The following SSPN variants were observed in gnomAD, a reference collection of about 807,000 sequenced individuals.
The protein encoded by SSPN is sarcospan.
Under a neutral mutation model 19.1 loss-of-function variants are expected in SSPN, and 15 were observed. That is an observed-to-expected ratio of 0.78 (90% CI 0.52 to 1.21). The LOEUF (loss-of-function observed/expected upper bound fraction) is 1.21, where lower values mean the gene tolerates loss of function less well. SSPN is among the 50% of genes most tolerant of loss of function. SSPN has a pLI of 0.00. For synonymous variants in SSPN, 147 were observed against 140.3 expected, an observed-to-expected ratio of 1.05 and a Z score of -0.34; for missense variants, 291 against 314.0, an observed-to-expected ratio of 0.93 and a Z score of 0.55.
chr12:26,151,153 A>G lies in SSPN; in HGVS notation c.-31+29001A>G, dbSNP rs564087468. On this transcript the variant is annotated intron_variant, in intron 1 of 2. Coordinates refer to the SSPN transcript ENST00000538142. ...TCTATGACTGTTCCTTCTCTCAGAG[A>G]ACTCTTGAGTGCCCTGTTAGTCTTT... Among the ~76,000 whole-genome samples the G allele has an allele frequency of 2.1e-4, 32 of 151,288 alleles. No individual in the cohort carries two copies. The South Asian group carries it at 4.2e-3, about 20-fold the overall frequency.
intron 2 of SSPN, among the ~76,000 whole-genome samples, chr12:26,228,981 TA>T (rs1945204505): frequency 1.3e-5 from 2 of 151,998 alleles, no homozygotes; most frequent in Admixed American, 6.6e-5. Context: ...CTCCATCTCT[TA>T]AAAAAAATTT....
chr12:26,198,192 C>G (rs1352893629), intron 1 of SSPN, among the ~76,000 whole-genome samples: 1 of 151,998 alleles, frequency 6.6e-6, no homozygotes, highest in Non-Finnish European at 1.5e-5. Flanking sequence ...GAGACAGAGA[C>G]TTGCTCTGTC....
chr12:26,166,534 C>T (rs1944622324), intron 1 of SSPN, among the ~76,000 whole-genome samples: 2 of 152,248 alleles, frequency 1.3e-5, no homozygotes, highest in Non-Finnish European at 1.5e-5. Context: ...CTGCAGACAT[C>T]TGCCCTGTTG....
At chr12:26,220,926 T>TA (rs375201385) in intron 1 of SSPN, among the ~76,000 whole-genome samples, 39,119 of 151,998 alleles carry the variant, frequency 0.26, 5,404 homozygotes, top group East Asian at 0.51. Flanking sequence ...TTATCATTTC[T>TA]CAGGTGAAGA....
chr12:26,168,424 AC>A (rs1283549067), intron 1 of SSPN, among the ~76,000 whole-genome samples: 2 of 151,984 alleles, frequency 1.3e-5, no homozygotes, highest in African/African-American at 4.8e-5. Flanking sequence ...GGCAGGGATA[AC>A]CCCCGGTTGG....
At chr12:26,158,617 A>G (rs1944569540) in intron 1 of SSPN, among the ~76,000 whole-genome samples, 1 of 152,148 alleles carries the variant, frequency 6.6e-6, no homozygotes, top group Non-Finnish European at 1.5e-5. Context: ...TCTTTTGAAA[A>G]CCAGAAGAGG....
intron 1 of SSPN, among the ~76,000 whole-genome samples, chr12:26,153,599 C>T (rs764441107): frequency 1.4e-4 from 22 of 152,086 alleles, no homozygotes; most frequent in Non-Finnish European, 2.9e-4. Context: ...GAAGAACTGG[C>T]GGTGACACCA....
chr12:26,136,221 C>T (rs1489345938), intron 1 of SSPN, among the ~76,000 whole-genome samples: 1 of 152,118 alleles, frequency 6.6e-6, no homozygotes, highest in African/African-American at 2.4e-5. Flanking sequence ...AAAGACTATG[C>T]CATTTTATAT....
intron 1 of SSPN, among the ~76,000 whole-genome samples, chr12:26,170,988 A>G (rs1944650519): frequency 6.6e-6 from 1 of 152,222 alleles, no homozygotes; most frequent in Non-Finnish European, 1.5e-5. Context: ...ATGAATGAGA[A>G]AACTGAGACT....
At chr12:26,186,849 T>C (rs999199079) in intron 1 of SSPN, among the ~76,000 whole-genome samples, 41 of 152,350 alleles carry the variant, frequency 2.7e-4, no homozygotes, top group Non-Finnish European at 1.0e-4. Flanking sequence ...GACAGTCTCC[T>C]GCCTTGGGAT....
intron 1 of SSPN, among the ~76,000 whole-genome samples, chr12:26,176,879 T>C (rs1460198265): frequency 6.6e-6 from 1 of 152,190 alleles, no homozygotes; most frequent in Non-Finnish European, 1.5e-5. Flanking sequence ...GTTCTCTTCC[T>C]CCATCAGTCC....
At chr12:26,182,559 C>T (rs1409343673) in intron 1 of SSPN, among the ~76,000 whole-genome samples, 5 of 150,278 alleles carry the variant, frequency 3.3e-5, no homozygotes, top group African/African-American at 9.8e-5. Context: ...ATCTGGACCC[C>T]GTCTCCCTTC....
chr12:26,224,314 G>A lies in SSPN; in HGVS notation c.301G>A (p.Gly101Ser). 3 of 1,613,926 alleles carry A rather than the reference G, an allele frequency of 1.9e-6. No individual in the cohort carries two copies. The highest frequency in any genetic ancestry group is 2.5e-6 in the Non-Finnish European group (3 of 1,179,884). The stretch of plus-strand genomic sequence containing the variant: ...GCAGGTCTGCTTAGTGGCCTATCTT[G>A]GCTTGTTTATGCTTTGTGTCTCATA... ...GIIVCLVAYLGLFMLCVSYQV... is the reference protein window; with the variant it reads ...GIIVCLVAYLSLFMLCVSYQV... Residue 101 changes from glycine to serine, a missense_variant, in exon 2 of 3, where the codon GGC becomes AGC. This residue lies in a region of SSPN where 11 missense variants were observed against 27.7 expected (regional missense o/e 0.40). Transcript: ENST00000242729.
intron 1 of SSPN, among the ~76,000 whole-genome samples, chr12:26,213,060 G>A (rs1011253660): frequency 2.0e-5 from 3 of 151,350 alleles, no homozygotes; most frequent in African/African-American, 7.3e-5. Flanking sequence ...AAACAATTGT[G>A]TTTTTTAAAA....
intron 1 of SSPN, chr12:26,214,800 T>TTAA (rs985563212): frequency 6.6e-6 from 1 of 152,102 alleles, no homozygotes; most frequent in Admixed American, 6.6e-5. Context: ...TGAAAAAGAA[T>TTAA]TAATAATAAT....
chr12:26,201,048 A>ATATATATATATATAT (rs1944880110), intron 1 of SSPN, among the ~76,000 whole-genome samples: 10 of 68,328 alleles, frequency 1.5e-4, no homozygotes, highest in African/African-American at 5.8e-4. Context: ...TATATATATT[A>ATATATATATATATAT]TATATATATA....
Position 26,195,641 on chromosome 12 carries a change from G to GCTGCCCCCC in SSPN, c.-31_-30insTGCCCCCCC. 3.6e-6 allele frequency: 4 copies of GCTGCCCCCC among 1,105,384 alleles called. No individual in the cohort carries two copies. The highest frequency in any genetic ancestry group is 4.6e-6 in the Non-Finnish European group (4 of 878,102). The allele number at this position is 1,105,384 out of a possible 1,614,324, so 68.5% of individuals were successfully genotyped here. A position where few individuals can be genotyped will look rare whatever the true frequency, so the allele number is the denominator to read the frequency against. ...CTCCAGGGCCCAGGGCGCCGCACAC[G>GCTGCCCCCC]CACCCACCCACCCACCCAGCCTCGC... On this transcript the variant is annotated 5_prime_UTR_variant, in exon 1 of 3. Coordinates refer to ENST00000242729, the MANE Select transcript of SSPN (RefSeq NM_005086.5).
At chr12:26,161,349 C>T (rs1427815647) in intron 1 of SSPN, among the ~76,000 whole-genome samples, 1 of 151,966 alleles carries the variant, frequency 6.6e-6, no homozygotes, top group Non-Finnish European at 1.5e-5. Context: ...TACCTATGCC[C>T]GAGGGTCTTG....
In SSPN at chr12:26,201,229, T is replaced by G. The variant is rs569538927; in HGVS notation, c.279+5278T>G. 4.0e-3 allele frequency among the ~76,000 whole-genome samples: 609 copies of G among 150,666 alleles called. 6 individuals are homozygous for G. Among genetic ancestry groups the G allele is most frequent in the Non-Finnish European group, 6.6e-3 (446 of 67,618 alleles). On this transcript the variant is annotated intron_variant, in intron 1 of 2. Coordinates refer to ENST00000242729, the MANE Select transcript of SSPN (RefSeq NM_005086.5). ...CCATCTCTACCAAAAATACAAAAAT[T>G]TAGCTGGGTGTGGTGGCACCCACCT... is the stretch of plus-strand genomic sequence containing the variant.
Sources: allele counts gnomAD v4.1 joint callset (sites outside exome capture counted in the v4.1 genomes callset), GRCh38; gene constraint gnomAD v4.1.1; regional missense constraint gnomAD v4.1.1; transcripts MANE v1.5; gene names NCBI Gene and HGNC (gene_info 2026-07-23, HGNC 2026-07-21).